The following ANKRD31 variants were observed in gnomAD, a reference collection of about 807,000 sequenced individuals.
The protein encoded by ANKRD31 is ankyrin repeat domain-containing protein 31.
Under a neutral mutation model 186.0 loss-of-function variants are expected in ANKRD31, and 147 were observed. That is an observed-to-expected ratio of 0.79 (90% confidence interval 0.69 to 0.91). ANKRD31 has a LOEUF of 0.91. ANKRD31 is among the 40% of genes least tolerant of loss of function. The pLI is 0.00. For synonymous variants in ANKRD31, 673 were observed against 736.4 expected (o/e 0.91, Z 1.39); for missense variants, 1,986 against 2,148.8 (o/e 0.92, Z 1.50).
chr5:75,177,633 A>C (rs1753914797), intron 10 of ANKRD31, among the ~76,000 whole-genome samples: 4 of 152,166 alleles, frequency 2.6e-5, no homozygotes, highest in Admixed American at 2.6e-4. Flanking sequence ...CAGCCAAACT[A>C]AGCTTCCTAA....
chr5:75,211,091 T>C (rs151046066), intron 3 of ANKRD31, among the ~76,000 whole-genome samples: 122 of 152,298 alleles, frequency 8.0e-4, no homozygotes, highest in African/African-American at 2.9e-3. Context: ...AAGACCATCA[T>C]GAACTTCCAG....
At chr5:75,098,937 G>A (rs1427039296) in intron 22 of ANKRD31, among the ~76,000 whole-genome samples, 1 of 152,136 alleles carries the variant, frequency 6.6e-6, no homozygotes, top group Non-Finnish European at 1.5e-5. Flanking sequence ...TCTCCTGCCT[G>A]ATTGCCCTGG....
chr5:75,073,178 T>G (rs1744377937), intron 25 of ANKRD31, among the ~76,000 whole-genome samples: 1 of 152,058 alleles, frequency 6.6e-6, no homozygotes, highest in South Asian at 2.1e-4. Context: ...AAGCCTATAA[T>G]CCAAGCTACT....
intron 19 of ANKRD31, among the ~76,000 whole-genome samples, chr5:75,115,183 G>T (rs1159822325): frequency 2.0e-5 from 3 of 150,256 alleles, no homozygotes; most frequent in African/African-American, 4.9e-5. Context: ...AATAAATGGT[G>T]CTGGGAAAAC....
chr5:75,102,834 G>T (rs929112540), intron 22 of ANKRD31, among the ~76,000 whole-genome samples: 3 of 152,194 alleles, frequency 2.0e-5, no homozygotes, highest in African/African-American at 7.2e-5. Flanking sequence ...TTCTGCCATG[G>T]CTTCCCTTGG....
intron 25 of ANKRD31, among the ~76,000 whole-genome samples, chr5:75,079,915 C>A (rs1040406239): frequency 6.6e-6 from 1 of 151,926 alleles, no homozygotes; most frequent in Non-Finnish European, 1.5e-5. Context: ...CCAGCCTGGG[C>A]AACATGGTGA....
intron 1 of ANKRD31, 25 bp downstream of exon 1, chr5:75,236,558 G>A: frequency 1.3e-6 from 2 of 1,532,578 alleles, no homozygotes; most frequent in Non-Finnish European, 1.7e-6. Flanking sequence ...GAGGGTTCAG[G>A]CACTGTGGCC....
chr5:75,130,724 C>T (rs940224579), intron 17 of ANKRD31, among the ~76,000 whole-genome samples: 1 of 152,176 alleles, frequency 6.6e-6, no homozygotes. Context: ...TTTAGCTAGA[C>T]AGAAAAGTTC....
chr5:75,181,058 T>C (rs959676159), intron 10 of ANKRD31, among the ~76,000 whole-genome samples: 1 of 149,198 alleles, frequency 6.7e-6, no homozygotes, highest in African/African-American at 2.5e-5. Context: ...AGCAACCCCA[T>C]CAAAAAGTGG....
At chr5:75,186,105 A>G (rs1177146475) in intron 10 of ANKRD31, among the ~76,000 whole-genome samples, 4 of 152,152 alleles carry the variant, frequency 2.6e-5, no homozygotes. Flanking sequence ...TCCTTTCCCT[A>G]AGGATTATGC....
chr5:75,102,805 T>G (rs1747012923), intron 22 of ANKRD31, among the ~76,000 whole-genome samples: 1 of 152,124 alleles, frequency 6.6e-6, no homozygotes, highest in South Asian at 2.1e-4. Context: ...GGTGGGAGTG[T>G]CCCGATTTTC....
chr5:75,136,393 G>T (rs994415587), intron 17 of ANKRD31, among the ~76,000 whole-genome samples: 3 of 152,152 alleles, frequency 2.0e-5, no homozygotes, highest in Non-Finnish European at 2.9e-5. Context: ...CATTTATGCA[G>T]CCAACAGACA....
intron 10 of ANKRD31, among the ~76,000 whole-genome samples, chr5:75,188,212 T>G (rs1031942177): frequency 2.0e-5 from 3 of 152,168 alleles, no homozygotes; most frequent in African/African-American, 7.2e-5. Flanking sequence ...ACAATGACCA[T>G]GCAAAGCCAG....
intron 11 of ANKRD31, among the ~76,000 whole-genome samples, chr5:75,165,701 A>C (rs1175724078): frequency 6.6e-6 from 1 of 152,226 alleles, no homozygotes; most frequent in Non-Finnish European, 1.5e-5. Context: ...AAGCTAAACA[A>C]TACCACAAAG....
chr5:75,090,361 C>T (rs1010051876), intron 23 of ANKRD31, among the ~76,000 whole-genome samples: 4 of 152,084 alleles, frequency 2.6e-5, no homozygotes, highest in South Asian at 2.1e-4. Context: ...CACTTGCCAA[C>T]GAGGTCTAGG....
At position 75,122,483 on chromosome 5, in the gene ANKRD31, A is replaced by G. The variant is rs953748551; in HGVS notation, c.3877-4186T>C. Among the ~76,000 whole-genome samples, 4 of 151,956 alleles carry G rather than the reference A, an allele frequency of 2.6e-5. No homozygotes were observed. In the South Asian group the frequency reaches 8.3e-4, roughly 32 times the overall value. On this transcript the variant is annotated intron_variant, in intron 17 of 25. Transcript: ENST00000506364. ...TGACAAGAACACAAACAAACAGAAA[A>G]AAAACTACAGACCAATATCCCTGAT...
rs970345712 is a variant in ANKRD31 at position 75,146,875 on chromosome 5, T to C, written c.2536A>G (p.Ile846Val). The change falls in exon 14 of 26, where the codon ATC (isoleucine) becomes GTC (valine). Residue 846 changes from isoleucine (I) to valine (V), a missense_variant. Transcript: ENST00000506364. ...SFPGLLLHKE[I>V]KLPVVTTDKQ... Reference sequence around the variant, plus strand: ...TCTGTAGTAACAACTGGTAACTTGATTTCTTTATGTAATAAAAGCCCTGGG... The same window carrying C: ...TCTGTAGTAACAACTGGTAACTTGACTTCTTTATGTAATAAAAGCCCTGGG... 3 of 1,536,296 alleles carry C rather than the reference T, an allele frequency of 2.0e-6. No homozygotes were observed. In the African/African-American group the frequency reaches 4.1e-5, roughly 21 times the overall value.
intron 2 of ANKRD31, among the ~76,000 whole-genome samples, chr5:75,224,133 A>C (rs111983324): frequency 1.9e-5 from 1 of 53,800 alleles, no homozygotes; most frequent in East Asian, 8.8e-4. Flanking sequence ...AAATAATTAT[A>C]TATATATATA....
chr5:75,090,268 T>C (rs1317517711), intron 23 of ANKRD31, among the ~76,000 whole-genome samples: 2 of 151,994 alleles, frequency 1.3e-5, no homozygotes, highest in African/African-American at 4.8e-5. Context: ...AAACAAACTT[T>C]GGGAAAAAGT....
Sources: allele counts gnomAD v4.1 joint callset (sites outside exome capture counted in the v4.1 genomes callset), GRCh38; gene constraint gnomAD v4.1.1; transcripts MANE v1.5; gene names NCBI Gene and HGNC (gene_info 2026-07-23, HGNC 2026-07-21).